Variants in CELF2 observed in about 807,000 individuals in gnomAD.
CELF2 encodes the protein CUGBP Elav-like family member 2, also known as CUG triplet repeat RNA-binding protein 2.
In CELF2, 8 loss-of-function variants were observed where a neutral mutation model predicts 62.6. That is an observed-to-expected ratio of 0.13 (90% confidence interval 0.07 to 0.23). The LOEUF is 0.23. Among genes scored for constraint, CELF2 ranks in the 10% least tolerant of loss-of-function variants. The pLI, the probability that CELF2 is intolerant of heterozygous loss-of-function variation, is 1.00. For synonymous variants in CELF2, 258 were observed against 250.0 expected (o/e 1.03, Z -0.30); for missense variants, 333 against 671.0 (o/e 0.50, Z 5.56).
At chr10:10,653,528 C>T in the CELF2 span, among the ~76,000 whole-genome samples, 1 of 137,582 alleles carries the variant, frequency 7.3e-6, no homozygotes, top group African/African-American at 2.7e-5. Flanking sequence ...TCTCAGACCA[C>T]AGTGCAATCA....
rs1490401144 is a variant in CELF2 at position 10,928,819 on chromosome 10, AAC to A, written c.89+8825_89+8826del. On this transcript the variant is annotated intron_variant, in intron 2 of 13. Transcript: ENST00000636488. This position sits in a 1 kb window ranked among gnomAD's most constrained non-coding sequence, Gnocchi z 4.8. ...TTTACACCTTCTCCGCTAAGTAGGA[AAC>A]ACACTAAAATCCTATTACTATTTGT... Among the ~76,000 whole-genome samples the A allele has an allele frequency of 6.6e-6, 1 of 152,190 alleles. No homozygotes were observed. Among genetic ancestry groups the A allele is most frequent in the Non-Finnish European group, 1.5e-5 (1 of 68,034 alleles).
intron 1 of CELF2, among the ~76,000 whole-genome samples, chr10:11,129,391 AT>A (rs2059261909): frequency 6.6e-6 from 1 of 152,220 alleles, no homozygotes; most frequent in Non-Finnish European, 1.5e-5. Context: ...TGCTGGCCTC[AT>A]AAAATGAGTT....
chr10:10,974,706 G>A (rs753849120), intron 2 of CELF2, among the ~76,000 whole-genome samples: 1 of 152,192 alleles, frequency 6.6e-6, no homozygotes, highest in Admixed American at 6.5e-5. Flanking sequence ...CTTGCTGGCT[G>A]TATTGCTATT....
At chr10:10,874,041 C>T (rs540837230) in intron 1 of CELF2, among the ~76,000 whole-genome samples, 8 of 152,280 alleles carry the variant, frequency 5.3e-5, no homozygotes, top group East Asian at 1.9e-4. Flanking sequence ...CCAGGTACAG[C>T]GGCTCATGCC....
At chr10:11,052,295 G>A (rs1244804869) in intron 1 of CELF2, among the ~76,000 whole-genome samples, 1 of 152,196 alleles carries the variant, frequency 6.6e-6, no homozygotes, top group African/African-American at 2.4e-5. Context: ...GGAAGTCTGA[G>A]AAGACAACCA....
At chr10:10,560,515 G>T in the CELF2 span, among the ~76,000 whole-genome samples, 1 of 152,188 alleles carries the variant, frequency 6.6e-6, no homozygotes, top group East Asian at 1.9e-4. Context: ...TCACTCACCG[G>T]TTCCCTCCAC....
At chr10:11,135,743 A>G (rs577596301) in intron 1 of CELF2, among the ~76,000 whole-genome samples, 24 of 152,340 alleles carry the variant, frequency 1.6e-4, no homozygotes, top group African/African-American at 3.8e-4. Flanking sequence ...GGCAAATTGC[A>G]TGGGCATCCC....
intron 1 of CELF2, among the ~76,000 whole-genome samples, chr10:11,139,979 G>A (rs541866062): frequency 3.3e-5 from 5 of 151,904 alleles, no homozygotes; most frequent in Non-Finnish European, 5.9e-5. Context: ...TCTCACTTGC[G>A]TTATTTTCCA....
In CELF2 at chr10:11,311,263, G is replaced by C. The variant is rs555730004; in HGVS notation, c.977-2876G>C. On this transcript the variant is annotated intron_variant, in intron 9 of 12. Coordinates refer to ENST00000633077, the MANE Select transcript of CELF2 (RefSeq NM_001326342.2). This position sits in a 1 kb window ranked among gnomAD's most constrained non-coding sequence, Gnocchi z 4.7. ...ATCCCTCACGTGAGTTTACAACCCA[G>C]TTTGATTGTATCTGAGTGGCCAAAA... 1.6e-3 allele frequency among the ~76,000 whole-genome samples: 237 copies of C among 152,312 alleles called. 2 individuals are homozygous for C. The highest frequency in any genetic ancestry group is 5.5e-3 in the African/African-American group (227 of 41,548).
At chr10:10,487,483 T>C in the CELF2 span, among the ~76,000 whole-genome samples, 1 of 152,178 alleles carries the variant, frequency 6.6e-6, no homozygotes, top group Non-Finnish European at 1.5e-5. Flanking sequence ...CACACTACAG[T>C]ATGTTTTTCT....
chr10:11,275,126 T>G lies in CELF2; in HGVS notation c.841+6T>G, dbSNP rs1190655152. On this transcript the variant is annotated splice_donor_region_variant and intron_variant, in intron 8 of 12. Transcript: ENST00000633077. ...CGGCATTCAACAAATGGCAGGTAAG[T>G]CAGGAAGCACGCCTCTCCTTTTGAC... 1 of 1,614,040 alleles carries G rather than the reference T, an allele frequency of 6.2e-7. No homozygotes were observed.
At chr10:11,070,094 C>T (rs1391890421) in intron 1 of CELF2, among the ~76,000 whole-genome samples, 1 of 151,904 alleles carries the variant, frequency 6.6e-6, no homozygotes, top group African/African-American at 2.4e-5. Flanking sequence ...TTGTTTTATT[C>T]TCTAAATCAT....
chr10:11,097,516 A>C (rs1370587338), intron 1 of CELF2: 2 of 152,198 alleles, frequency 1.3e-5, no homozygotes, highest in African/African-American at 4.8e-5. Flanking sequence ...CTCTGCCTCG[A>C]GCCACTTGGG....
chr10:11,077,133 T>C (rs953328048), intron 1 of CELF2, among the ~76,000 whole-genome samples: 1 of 152,216 alleles, frequency 6.6e-6, no homozygotes, highest in African/African-American at 2.4e-5. Context: ...CAAGTGAATG[T>C]CTCCGTGGTG....
chr10:10,721,067 G>A, the CELF2 span, among the ~76,000 whole-genome samples: 4 of 152,302 alleles, frequency 2.6e-5, no homozygotes, highest in East Asian at 3.9e-4. Flanking sequence ...AAGCACTCTC[G>A]CACAGATTGC....
At chr10:10,950,083 A>G (rs1426185893) in intron 2 of CELF2, among the ~76,000 whole-genome samples, 1 of 151,908 alleles carries the variant, frequency 6.6e-6, no homozygotes, top group Non-Finnish European at 1.5e-5. Context: ...CTGATTCCTG[A>G]GTTTATCCCC....
chr10:11,232,818 A>G (rs1452117174), intron 3 of CELF2, among the ~76,000 whole-genome samples: 2 of 152,194 alleles, frequency 1.3e-5, no homozygotes, highest in African/African-American at 4.8e-5. Context: ...AGCATGCTGC[A>G]TATGTGGCGG....
Position 11,276,313 on chromosome 10 carries a change from T to C in CELF2, c.841+1193T>C, listed in dbSNP as rs74620160. 6.1e-3 allele frequency among the ~76,000 whole-genome samples: 936 copies of C among 152,316 alleles called. 12 individuals are homozygous for C. Among genetic ancestry groups the C allele is most frequent in the African/African-American group, 0.021 (881 of 41,566 alleles). ...AGTAAAAATACTGCTGAATTCCTCGTTGGGCTTTAAATCCATTGGCACTGC... is the reference window on the plus strand; with the variant it reads ...AGTAAAAATACTGCTGAATTCCTCGCTGGGCTTTAAATCCATTGGCACTGC... On this transcript the variant is annotated intron_variant, in intron 8 of 12. Coordinates refer to ENST00000633077, the MANE Select transcript of CELF2 (RefSeq NM_001326342.2).
At chr10:11,221,225 T>C (rs1297122567) in intron 3 of CELF2, among the ~76,000 whole-genome samples, 9 of 152,318 alleles carry the variant, frequency 5.9e-5, no homozygotes, top group South Asian at 2.1e-4. Context: ...TTTGATGATA[T>C]GTCAATTTGG....
Sources: gnomAD v4.1 joint callset for allele counts (sites outside exome capture counted in the v4.1 genomes callset) on GRCh38, gnomAD v4.1.1 for gene constraint, Gnocchi (gnomAD v3.1) non-coding constraint, MANE v1.5 for transcripts, NCBI Gene and HGNC (gene_info 2026-07-23, HGNC 2026-07-21) for gene names.